Variants in ST3GAL3 observed in about 807,000 individuals in gnomAD.
ST3GAL3 encodes CMP-N-acetylneuraminate-beta-1,4-galactoside alpha-2,3-sialyltransferase.
Under a neutral mutation model 50.1 loss-of-function variants are expected in ST3GAL3, and 21 were observed. That is an observed-to-expected ratio of 0.42 (90% CI 0.30 to 0.60). The LOEUF (loss-of-function observed/expected upper bound fraction) is 0.60, where lower values mean the gene tolerates loss of function less well. ST3GAL3 is among the 20% of genes least tolerant of loss of function. The probability of loss-of-function intolerance (pLI) is 0.19; values close to 1 mark genes in which losing one functional copy is unlikely to be tolerated. For synonymous variants in ST3GAL3, 183 were observed against 190.0 expected, an observed-to-expected ratio of 0.96 and a Z score of 0.30; for missense variants, 353 against 489.4, an observed-to-expected ratio of 0.72 and a Z score of 2.63.
chr1:43,898,025 A>G (rs1275877215), intron 6 of ST3GAL3, among the ~76,000 whole-genome samples: 2 of 152,166 alleles, frequency 1.3e-5, no homozygotes, highest in Non-Finnish European at 2.9e-5. Context: ...GGCTCCCGGC[A>G]GTGATATGCC....
At chr1:43,917,367 A>G (rs571020441) in intron 9 of ST3GAL3, among the ~76,000 whole-genome samples, 12 of 140,790 alleles carry the variant, frequency 8.5e-5, no homozygotes, top group African/African-American at 3.2e-4. Flanking sequence ...GAGTTTTTAA[A>G]ATATGCATTT....
chr1:43,851,391 T>C, intron 5 of ST3GAL3: 1 of 1,608,482 alleles, frequency 6.2e-7, no homozygotes, highest in Non-Finnish European at 8.5e-7. Flanking sequence ...TGAGCAAGGC[T>C]GGACGTTGAC....
chr1:43,859,246 G>A (rs2069289296), intron 5 of ST3GAL3, among the ~76,000 whole-genome samples: 2 of 152,194 alleles, frequency 1.3e-5, no homozygotes, highest in South Asian at 4.1e-4. Context: ...CTTGTGTTGG[G>A]ATAGACCCAT....
intron 9 of ST3GAL3, among the ~76,000 whole-genome samples, chr1:43,903,893 A>G (rs1288951978): frequency 1.3e-5 from 2 of 152,200 alleles, no homozygotes; most frequent in Admixed American, 1.3e-4. Context: ...GTGGATGAGT[A>G]GTGCTGTGCA....
intron 2 of ST3GAL3, chr1:43,736,990 C>G (rs995957014): frequency 5.3e-5 from 10 of 188,064 alleles, no homozygotes; most frequent in Non-Finnish European, 5.5e-5. Context: ...TAGCCTGAAT[C>G]CCACTGGTTT....
intron 1 of ST3GAL3, chr1:43,719,274 A>G (rs1669095992): frequency 6.6e-6 from 1 of 152,238 alleles, no homozygotes; most frequent in South Asian, 2.1e-4. Context: ...GAGGGTTAAC[A>G]TCATCAGCCT....
intron 5 of ST3GAL3, among the ~76,000 whole-genome samples, chr1:43,846,399 A>G (rs911840984): frequency 9.9e-5 from 15 of 152,018 alleles, no homozygotes; most frequent in African/African-American, 3.4e-4. Flanking sequence ...TCCTTGTCTG[A>G]TATTAATAAA....
chr1:43,929,552 C>T (rs2428959), intron 11 of ST3GAL3, among the ~76,000 whole-genome samples: 14,298 of 152,236 alleles, frequency 0.094, 896 homozygotes, highest in South Asian at 0.22. Flanking sequence ...CCACCCGCCT[C>T]GGCCTCCCAA....
chr1:43,905,435 G>A (rs148773406), intron 9 of ST3GAL3, among the ~76,000 whole-genome samples: 6,834 of 24,442 alleles, frequency 0.28, 380 homozygotes, highest in Admixed American at 0.39. Flanking sequence ...CCTCCCCCTC[G>A]TCCTGCTCCT....
At chr1:43,769,512 T>C (rs1407285941) in intron 2 of ST3GAL3, among the ~76,000 whole-genome samples, 1 of 152,100 alleles carries the variant, frequency 6.6e-6, no homozygotes, top group Non-Finnish European at 1.5e-5. Context: ...TTGTCATGCC[T>C]TGGGTTCCTG....
At chr1:43,928,187 T>A (rs1557601377) in intron 11 of ST3GAL3, among the ~76,000 whole-genome samples, 1 of 152,214 alleles carries the variant, frequency 6.6e-6, no homozygotes, top group Non-Finnish European at 1.5e-5. Flanking sequence ...GGGGTTTCTA[T>A]ATGTTGCCCA....
chr1:43,743,656 C>G (rs1682091169), intron 2 of ST3GAL3: 1 of 223,078 alleles, frequency 4.5e-6, no homozygotes, highest in African/African-American at 2.3e-5. Context: ...ACCTGCACAC[C>G]TGGAAGTGGA....
intron 1 of ST3GAL3, among the ~76,000 whole-genome samples, chr1:43,728,207 C>CT (rs1485832395): frequency 6.6e-6 from 1 of 152,086 alleles, no homozygotes. Context: ...TGAATTCATT[C>CT]TTTTTTTATG....
intron 4 of ST3GAL3, among the ~76,000 whole-genome samples, chr1:43,830,132 A>G (rs1004995938): frequency 1.3e-5 from 2 of 148,902 alleles, no homozygotes; most frequent in African/African-American, 4.9e-5. Flanking sequence ...CCCCGGCCCA[A>G]GCAATCCTTA....
Position 43,899,741 on chromosome 1 carries a change from G to A in ST3GAL3, c.744+14G>A, listed in dbSNP as rs1287686206. On this transcript the variant is annotated intron_variant, in intron 9 of 11. Transcript: ENST00000347631. The surrounding 1 kb of genome is among the most constrained non-coding windows in gnomAD (Gnocchi z 5.4). ...AAGGAGAGAGTGGTAAGCTCTCCTG[G>A]CACCAGCTTCTTCCCCTCTTGCCCT... The A allele has an allele frequency of 6.2e-7, 1 of 1,613,000 alleles. No individual in the cohort carries two copies. Among genetic ancestry groups the A allele is most frequent in the South Asian group, 1.1e-5 (1 of 91,036 alleles).
rs529456542 is a variant in ST3GAL3 at position 43,898,624 on chromosome 1, T to A, written c.461+326T>A. Among the ~76,000 whole-genome samples the A allele has an allele frequency of 1.6e-4, 24 of 152,240 alleles. No homozygotes were observed. In the South Asian group the frequency reaches 4.8e-3, roughly 30 times the overall value. On this transcript the variant is annotated intron_variant, in intron 7 of 11. Transcript: ENST00000347631. ...CGGGGGCAGGTGAAGGGGGCAAGGC[T>A]TAAGTCCAGAAGGCAGTGACAGCTC...
At chr1:43,755,624 T>C (rs1242149918) in intron 2 of ST3GAL3, among the ~76,000 whole-genome samples, 2 of 152,156 alleles carry the variant, frequency 1.3e-5, no homozygotes, top group Non-Finnish European at 2.9e-5. Context: ...TATCATCAAA[T>C]GATATGCAGT....
At chr1:43,878,592 G>A (rs1428119450) in intron 5 of ST3GAL3, among the ~76,000 whole-genome samples, 6 of 152,180 alleles carry the variant, frequency 3.9e-5, no homozygotes, top group Non-Finnish European at 5.9e-5. Context: ...AGTGTGGCTG[G>A]GGGACTGTGA....
At chr1:43,888,867 A>G (rs2154262765) in intron 5 of ST3GAL3, among the ~76,000 whole-genome samples, 1 of 152,342 alleles carries the variant, frequency 6.6e-6, no homozygotes, top group Admixed American at 6.5e-5. Flanking sequence ...GGAATTTGGC[A>G]GTATAGAGCA....
Sources: allele counts gnomAD v4.1 joint callset (sites outside exome capture counted in the v4.1 genomes callset), GRCh38; gene constraint gnomAD v4.1.1; non-coding constraint Gnocchi (gnomAD v3.1); transcripts MANE v1.5; gene names NCBI Gene and HGNC (gene_info 2026-07-23, HGNC 2026-07-21).